DCDC1: variants seen among roughly 807,000 people sequenced by gnomAD.
DCDC1 encodes doublecortin domain containing 1, also known as doublecortin domain-containing protein 1.
DCDC1 carries 200 observed loss-of-function variants against 178.3 expected under a neutral mutation model. The observed-to-expected ratio is 1.12, with a 90% CI of 1.00 to 1.26. The LOEUF (loss-of-function observed/expected upper bound fraction) is 1.26. Ranked by LOEUF, DCDC1 falls within the 50% of genes most tolerant of loss-of-function variation. The pLI is 0.00. For missense variants in DCDC1, 1,983 were observed against 1,749.2 expected (o/e 1.13, Z -2.38); for synonymous variants, 690 against 604.8 (o/e 1.14, Z -2.07).
intron 20 of DCDC1, among the ~76,000 whole-genome samples, chr11:30,973,273 CA>C (rs35354864): frequency 0.025 from 2,849 of 113,770 alleles, 91 homozygotes; most frequent in African/African-American, 0.08. Flanking sequence ...GACTCCATCT[CA>C]AAAAAAAAAA....
intron 11 of DCDC1, among the ~76,000 whole-genome samples, chr11:31,125,773 C>T (rs1318130708): frequency 9.2e-5 from 14 of 152,006 alleles, no homozygotes; most frequent in Admixed American, 9.2e-4. Flanking sequence ...TGGGGCCCAT[C>T]AGGGGCGGTT....
chr11:30,946,993 C>T (rs1341319172), intron 21 of DCDC1, among the ~76,000 whole-genome samples: 1 of 152,094 alleles, frequency 6.6e-6, no homozygotes, highest in African/African-American at 2.4e-5. Context: ...AAAACGTAAA[C>T]CATAAATAAT....
At chr11:31,217,320 A>C (rs1470205154) in intron 9 of DCDC1, among the ~76,000 whole-genome samples, 1 of 152,222 alleles carries the variant, frequency 6.6e-6, no homozygotes. Context: ...AATCTGAACT[A>C]TATGGACTTC....
At chr11:31,178,383 C>T (rs1968352344) in intron 9 of DCDC1, among the ~76,000 whole-genome samples, 1 of 152,112 alleles carries the variant, frequency 6.6e-6, no homozygotes, top group Non-Finnish European at 1.5e-5. Flanking sequence ...AAAATTAACT[C>T]AAAATGGATT....
At chr11:30,872,448 G>C (rs1235809687) in intron 38 of DCDC1, among the ~76,000 whole-genome samples, 1 of 152,126 alleles carries the variant, frequency 6.6e-6, no homozygotes, top group Admixed American at 6.6e-5. Context: ...GATATATTGA[G>C]TTGAATAAAA....
chr11:31,276,423 G>A (rs1325395465), intron 7 of DCDC1, among the ~76,000 whole-genome samples: 1 of 151,848 alleles, frequency 6.6e-6, no homozygotes, highest in Admixed American at 6.6e-5. Context: ...CAGTAGAAGA[G>A]AACTACCATT....
intron 23 of DCDC1, 125 bp downstream of exon 23, chr11:30,925,184 A>T (rs927716128): frequency 4.9e-6 from 4 of 810,760 alleles, no homozygotes; most frequent in Non-Finnish European, 7.8e-6. Context: ...TTGCTCAGTT[A>T]GGATAATTCT....
chr11:31,194,857 G>A lies in DCDC1; in HGVS notation c.1221+46593C>T, dbSNP rs539787017. Among the ~76,000 whole-genome samples, 5 of 152,130 alleles carry A rather than the reference G, an allele frequency of 3.3e-5. No homozygotes were observed. In the East Asian group the frequency reaches 9.7e-4, roughly 29 times the overall value. Reference sequence around the variant, plus strand: ...AAGCTTTTGATAAATGTTCCAAAGGGCATTCCAGAATATTTCCACAGATAT... The same window carrying A: ...AAGCTTTTGATAAATGTTCCAAAGGACATTCCAGAATATTTCCACAGATAT... On this transcript the variant is annotated intron_variant, in intron 9 of 38. Transcript: ENST00000684477.
At chr11:31,361,338 A>C (rs939203098) in intron 1 of DCDC1, among the ~76,000 whole-genome samples, 2 of 152,224 alleles carry the variant, frequency 1.3e-5, no homozygotes, top group Non-Finnish European at 2.9e-5. Flanking sequence ...AAAAAGGTCC[A>C]AAAGGAAGGA....
intron 9 of DCDC1, among the ~76,000 whole-genome samples, chr11:31,177,230 G>A (rs755382983): frequency 1.3e-4 from 19 of 151,918 alleles, no homozygotes; most frequent in East Asian, 3.9e-4. Flanking sequence ...TAAACAATCC[G>A]TTATTAACTA....
intron 20 of DCDC1, among the ~76,000 whole-genome samples, chr11:31,031,385 G>A (rs1953623598): frequency 6.6e-6 from 1 of 151,996 alleles, no homozygotes; most frequent in South Asian, 2.1e-4. Context: ...TGAGATCAAA[G>A]AGCTATGTAT....
intron 1 of DCDC1, among the ~76,000 whole-genome samples, chr11:31,342,356 G>C (rs1463277650): frequency 6.6e-6 from 1 of 152,178 alleles, no homozygotes; most frequent in Non-Finnish European, 1.5e-5. Context: ...TAAGTATCAT[G>C]AATTTTTTCA....
At chr11:30,880,046 ACT>A (rs1341938575) in intron 37 of DCDC1, among the ~76,000 whole-genome samples, 4 of 151,872 alleles carry the variant, frequency 2.6e-5, no homozygotes, top group Non-Finnish European at 5.9e-5. Flanking sequence ...TAGATTGAAA[ACT>A]CTCAGAAAAG....
chr11:31,291,509 G>A (rs757832329), intron 6 of DCDC1, among the ~76,000 whole-genome samples: 3 of 152,020 alleles, frequency 2.0e-5, no homozygotes, highest in Non-Finnish European at 2.9e-5. Flanking sequence ...AATATAAACA[G>A]GAGTGCAACT....
chr11:31,258,342 T>C (rs887701217), intron 8 of DCDC1, among the ~76,000 whole-genome samples: 1 of 152,116 alleles, frequency 6.6e-6, no homozygotes, highest in African/African-American at 2.4e-5. Context: ...ATTGACTTCA[T>C]CTCTCTCACT....
chr11:31,262,131 G>A lies in DCDC1; in HGVS notation c.1054+3376C>T, dbSNP rs1190666775. On this transcript the variant is annotated intron_variant, in intron 8 of 38. Transcript: ENST00000684477. ...AAAAATATTTTAAAAAGTAGGCACA[G>A]TGGCCTGCACCTGTAATCCCAGCTA... Among the ~76,000 whole-genome samples, 8 of 152,280 alleles carry A rather than the reference G, an allele frequency of 5.3e-5. No individual in the cohort carries two copies. The East Asian group carries it at 1.5e-3, about 29-fold the overall frequency.
At chr11:31,213,101 CTCTCTCTCTCTCTCT>C (rs1972863890) in intron 9 of DCDC1, among the ~76,000 whole-genome samples, 3 of 10,764 alleles carry the variant, frequency 2.8e-4, no homozygotes, top group African/African-American at 4.7e-4. Context: ...AAAGCCCAGC[CTCTCTCTCTCTCTCT>C]CTCTCTCTCT....
intron 9 of DCDC1, among the ~76,000 whole-genome samples, chr11:31,240,148 G>T (rs890719551): frequency 2.0e-5 from 3 of 151,670 alleles, no homozygotes; most frequent in Non-Finnish European, 4.4e-5. Flanking sequence ...AAAAATTATT[G>T]TAATGCAATT....
At chr11:31,294,172 C>A (rs2137436576) in intron 6 of DCDC1, among the ~76,000 whole-genome samples, 1 of 152,216 alleles carries the variant, frequency 6.6e-6, no homozygotes, top group South Asian at 2.1e-4. Flanking sequence ...TCTCTTTGAA[C>A]AGAGAGGCCT....
Sources: allele counts gnomAD v4.1 joint callset (sites outside exome capture counted in the v4.1 genomes callset), GRCh38; gene constraint gnomAD v4.1.1; transcripts MANE v1.5; gene names NCBI Gene and HGNC (gene_info 2026-07-23, HGNC 2026-07-21).